FAM135B: variants seen among roughly 807,000 people sequenced by gnomAD.
The protein encoded by FAM135B is protein FAM135B.
A neutral mutation model predicts 127.7 loss-of-function variants in FAM135B; 43 were observed. The observed-to-expected ratio is 0.34, with a 90% CI of 0.26 to 0.43. The LOEUF is 0.43. Ranked by LOEUF, FAM135B falls within the 20% of genes least tolerant of loss-of-function variation. The probability of loss-of-function intolerance (pLI) is 1.00; values close to 1 mark genes in which losing one functional copy is unlikely to be tolerated. For synonymous variants in FAM135B, 670 were observed against 665.1 expected (o/e 1.01, Z -0.11); for missense variants, 1,558 against 1,725.6 (o/e 0.90, Z 1.72).
At position 138,240,988 on chromosome 8, in the gene FAM135B, G is replaced by A. The variant is rs75251719; in HGVS notation, c.669+1954C>T. ...GGCAGTAGATTCTGACGTTCTGAGG[G>A]CCAGCACTGGCTCTGAGACTCTTCA... On this transcript the variant is annotated intron_variant, in intron 7 of 19. Coordinates refer to ENST00000395297, the MANE Select transcript of FAM135B (RefSeq NM_015912.4). 7.0e-4 allele frequency among the ~76,000 whole-genome samples: 107 copies of A among 152,280 alleles called. No homozygotes were observed. In the East Asian group the frequency reaches 0.015, roughly 21 times the overall value.
At chr8:138,326,470 CT>C (rs1219128318) in intron 2 of FAM135B, among the ~76,000 whole-genome samples, 3 of 152,146 alleles carry the variant, frequency 2.0e-5, no homozygotes, top group Non-Finnish European at 4.4e-5. Context: ...ACTTGCACAG[CT>C]TGAAATGTCA....
Position 138,242,803 on chromosome 8 carries a change from G to C in FAM135B, c.669+139C>G. ...GCTTGTAGTGATAAAAACAAGGGGTGGGAAGATGGTGAAAGGAAGGGTCAA... is the reference window on the plus strand; with the variant it reads ...GCTTGTAGTGATAAAAACAAGGGGTCGGAAGATGGTGAAAGGAAGGGTCAA... On this transcript the variant is annotated intron_variant, in intron 7 of 19. Coordinates refer to ENST00000395297, the MANE Select transcript of FAM135B (RefSeq NM_015912.4). This position sits in a 1 kb window ranked among gnomAD's most constrained non-coding sequence, Gnocchi z 9.6. 1 of 1,103,346 alleles carries C rather than the reference G, an allele frequency of 9.1e-7. No individual in the cohort carries two copies. Among genetic ancestry groups the C allele is most frequent in the Non-Finnish European group, 1.3e-6 (1 of 795,082 alleles). The allele number at this position is 1,103,346 out of a possible 1,614,324, so 68.3% of individuals were successfully genotyped here. A position where few individuals can be genotyped will look rare whatever the true frequency, so the allele number is the denominator to read the frequency against.
chr8:138,206,490 T>C (rs1817638412), intron 7 of FAM135B, among the ~76,000 whole-genome samples: 1 of 148,030 alleles, frequency 6.8e-6, no homozygotes, highest in African/African-American at 2.5e-5. Flanking sequence ...CACACAGCTC[T>C]ATCATCCCCT....
chr8:138,256,800 T>A (rs756171836), intron 4 of FAM135B, 41 bp from the exon 5 acceptor site: 20 of 1,529,316 alleles, frequency 1.3e-5, no homozygotes, highest in Non-Finnish European at 1.8e-5. Flanking sequence ...AGGAGTCAAA[T>A]CTTGTCCAAA....
At chr8:138,254,829 GGCAAGACATCAGCGGATGCCCCTTC>G (rs1265649569) in intron 5 of FAM135B, among the ~76,000 whole-genome samples, 1 of 152,104 alleles carries the variant, frequency 6.6e-6, no homozygotes, top group Non-Finnish European at 1.5e-5. Flanking sequence ...CCAGGTACCA[GGCAAGACATCAGCGGATGCCCCTTC>G]TCAATTCCCA....
intron 2 of FAM135B, among the ~76,000 whole-genome samples, chr8:138,348,127 C>CTTTTTTTTTTTTT (rs58289442): frequency 3.8e-5 from 2 of 52,840 alleles, no homozygotes; most frequent in Non-Finnish European, 6.3e-5. Context: ...TTTTCCTCCT[C>CTTTTTTTTTTTTT]TTTTTTTTTT....
chr8:138,152,784 GA>G lies in FAM135B; in HGVS notation c.1690del (p.Ser564ProfsTer24), dbSNP rs1427806112. ...IDVKSSNKNP[S>X]RAEPLVAFNA... ...GAAGGCCACCAGGGGTTCAGCTCTG[GA>G]GGGGTTCTTATTGCTAGATTTTACG... is the stretch of plus-strand genomic sequence containing the variant. On this transcript the variant is annotated frameshift_variant, in exon 13 of 20. Transcript: ENST00000395297. LOFTEE classifies it high-confidence loss of function. 1.2e-6 allele frequency: 2 copies of G among 1,614,190 alleles called. No individual in the cohort carries two copies. Among genetic ancestry groups the G allele is most frequent in the Non-Finnish European group, 1.7e-6 (2 of 1,180,032 alleles).
chr8:138,487,987 G>GA (rs1815049870), intron 1 of FAM135B, among the ~76,000 whole-genome samples: 1 of 151,836 alleles, frequency 6.6e-6, no homozygotes, highest in African/African-American at 2.4e-5. Flanking sequence ...CTTGGAGACA[G>GA]AGTGAGACTC....
At chr8:138,437,944 C>T (rs933034624) in intron 1 of FAM135B, 7 of 152,162 alleles carry the variant, frequency 4.6e-5, no homozygotes, top group Non-Finnish European at 8.8e-5. Flanking sequence ...AATTTGGTAG[C>T]ATGGTTGATG....
At chr8:138,462,775 C>A (rs766168001) in intron 1 of FAM135B, among the ~76,000 whole-genome samples, 23 of 152,092 alleles carry the variant, frequency 1.5e-4, no homozygotes, top group Non-Finnish European at 3.1e-4. Flanking sequence ...TGCAAAGAAA[C>A]AAGATAGGTC....
At chr8:138,369,406 G>T (rs1041346563) in intron 1 of FAM135B, among the ~76,000 whole-genome samples, 4 of 152,140 alleles carry the variant, frequency 2.6e-5, no homozygotes, top group Non-Finnish European at 5.9e-5. Context: ...GTCAGGCTAG[G>T]CCAGATCCCA....
intron 7 of FAM135B, among the ~76,000 whole-genome samples, chr8:138,238,868 G>C (rs1820508369): frequency 6.6e-6 from 1 of 152,178 alleles, no homozygotes; most frequent in African/African-American, 2.4e-5. Context: ...GACTCAAATG[G>C]AAAATGCACA....
chr8:138,219,717 G>T, intron 7 of FAM135B, among the ~76,000 whole-genome samples: 1 of 151,980 alleles, frequency 6.6e-6, no homozygotes, highest in East Asian at 1.9e-4. Flanking sequence ...CCTCTTAAAT[G>T]ACTCACTTTA....
chr8:138,261,845 A>G (rs1822560169), intron 4 of FAM135B, among the ~76,000 whole-genome samples: 1 of 152,226 alleles, frequency 6.6e-6, no homozygotes, highest in Admixed American at 6.5e-5. Context: ...TCTGTTGTTC[A>G]CAATGATGTC....
chr8:138,416,394 C>A lies in FAM135B; in HGVS notation c.-19-48392G>T, dbSNP rs186773440. On this transcript the variant is annotated intron_variant, in intron 1 of 19. Coordinates refer to ENST00000395297, the MANE Select transcript of FAM135B (RefSeq NM_015912.4). Reference sequence around the variant, plus strand: ...ATAATACATAAGACCTGTTGTTTTGCACAATGTTTGGTACTTGTTTTATTT... The same window carrying A: ...ATAATACATAAGACCTGTTGTTTTGAACAATGTTTGGTACTTGTTTTATTT... Among the ~76,000 whole-genome samples the A allele has an allele frequency of 3.3e-5, 5 of 152,266 alleles. No individual in the cohort carries two copies. In the South Asian group the frequency reaches 8.3e-4, roughly 25 times the overall value.
chr8:138,247,486 A>C (rs1174489181), intron 6 of FAM135B, among the ~76,000 whole-genome samples: 2 of 152,204 alleles, frequency 1.3e-5, no homozygotes, highest in African/African-American at 4.8e-5. Flanking sequence ...TGGCATGTGA[A>C]GAAGGATGTG....
At chr8:138,315,139 C>A (rs1341929491) in intron 2 of FAM135B, among the ~76,000 whole-genome samples, 2 of 151,716 alleles carry the variant, frequency 1.3e-5, no homozygotes. Flanking sequence ...AATAATAATC[C>A]AATTTAAAAG....
chr8:138,287,246 T>G (rs1824759621), intron 3 of FAM135B, among the ~76,000 whole-genome samples: 1 of 152,028 alleles, frequency 6.6e-6, no homozygotes. Flanking sequence ...AAGCAAAAGT[T>G]GTAGATGGGA....
chr8:138,222,452 TATTCACTGCAGTTTTACCA>T (rs1446122430), intron 7 of FAM135B, among the ~76,000 whole-genome samples: 1 of 152,192 alleles, frequency 6.6e-6, no homozygotes, highest in African/African-American at 2.4e-5. Context: ...TCATCTGTTT[TATTCACTGCAGTTTTACCA>T]ATGATTCACA....
Sources: gnomAD v4.1 joint callset for allele counts (sites outside exome capture counted in the v4.1 genomes callset) on GRCh38, gnomAD v4.1.1 for gene constraint, Gnocchi (gnomAD v3.1) non-coding constraint, MANE v1.5 for transcripts, NCBI Gene and HGNC (gene_info 2026-07-23, HGNC 2026-07-21) for gene names.